The following FAM120C variants were observed in gnomAD, a reference collection of about 807,000 sequenced individuals.
FAM120C encodes family with sequence similarity 120 member C, also known as constitutive coactivator of PPAR-gamma-like protein 2.
Under a neutral mutation model 71.2 loss-of-function variants are expected in FAM120C, and 14 were observed. The ratio of observed to expected loss-of-function variants is 0.20; its 90% confidence interval spans 0.13 to 0.31. The LOEUF (loss-of-function observed/expected upper bound fraction) is 0.31. FAM120C is among the 10% of genes least tolerant of loss of function. The pLI is 1.00. For synonymous variants in FAM120C, 354 were observed against 353.2 expected, an observed-to-expected ratio of 1.00 and a Z score of -0.03; for missense variants, 500 against 879.0, an observed-to-expected ratio of 0.57 and a Z score of 5.45.
chrX:54,083,024 C>T (rs2066774642), intron 13 of FAM120C, among the ~76,000 whole-genome samples: 1 of 108,128 alleles, frequency 9.2e-6, no homozygotes, highest in Non-Finnish European at 1.9e-5. Context: ...GAGGCCGAGT[C>T]AGAAGAATTG....
intron 10 of FAM120C, among the ~76,000 whole-genome samples, chrX:54,094,083 C>CTTTTTTTTTTTTTT: frequency 1.6e-5 from 1 of 61,443 alleles, no homozygotes; most frequent in Non-Finnish European, 2.8e-5. Context: ...TCCACGACTC[C>CTTTTTTTTTTTTTT]TTTTTTTTTT....
chrX:54,143,818 G>A (rs782548224), intron 4 of FAM120C, among the ~76,000 whole-genome samples: 74 of 111,684 alleles, frequency 6.6e-4, no homozygotes, highest in African/African-American at 2.4e-3. Context: ...CATTTTATGA[G>A]GCCAGCATCA....
intron 4 of FAM120C, among the ~76,000 whole-genome samples, chrX:54,146,939 C>T (rs1484125566): frequency 9.2e-6 from 1 of 109,127 alleles, no homozygotes; most frequent in Non-Finnish European, 2.0e-5. Context: ...ATATGAAAAA[C>T]ACAACCTCTC....
chrX:54,160,820 T>C (rs1307044244), intron 1 of FAM120C, among the ~76,000 whole-genome samples: 2 of 111,697 alleles, frequency 1.8e-5, no homozygotes, highest in African/African-American at 3.3e-5. Context: ...CAAGGTCATA[T>C]GGCTAGGAGG....
chrX:54,097,983 C>G (rs1240719910), intron 10 of FAM120C, among the ~76,000 whole-genome samples: 3 of 110,626 alleles, frequency 2.7e-5, no homozygotes, highest in African/African-American at 9.8e-5. Flanking sequence ...GCCTTGGCCT[C>G]CCAAAGTGCT....
At chrX:54,176,159 G>A (rs1010643084) in intron 1 of FAM120C, among the ~76,000 whole-genome samples, 5 of 111,207 alleles carry the variant, frequency 4.5e-5, no homozygotes, top group Non-Finnish European at 3.8e-5. Flanking sequence ...TAGGCCAGGC[G>A]TGGTGGCTCA....
chrX:54,180,973 A>G (rs782295070), intron 1 of FAM120C, among the ~76,000 whole-genome samples: 1 of 110,738 alleles, frequency 9.0e-6, no homozygotes, highest in East Asian at 2.8e-4. Flanking sequence ...GGCCATGAAT[A>G]AAGAATCTAC....
intron 10 of FAM120C, among the ~76,000 whole-genome samples, chrX:54,109,431 T>G (rs111258233): frequency 3.9e-5 from 4 of 102,145 alleles, no homozygotes; most frequent in African/African-American, 1.1e-4. Flanking sequence ...AAGACCAGCT[T>G]GGGCAACATA....
rs782066033 is a variant in FAM120C at position 54,143,092 on chromosome X, C to A, written c.1159-6502G>T. 1.4e-3 allele frequency among the ~76,000 whole-genome samples: 161 copies of A among 111,695 alleles called. 2 individuals are homozygous for A. The highest frequency in any genetic ancestry group is 5.0e-3 in the African/African-American group (154 of 30,767). ...CCACACCAAAACCCCATCTGTACATCACCATCATCAAAGACCAAAGGTAGA... is the reference window on the plus strand; with the variant it reads ...CCACACCAAAACCCCATCTGTACATAACCATCATCAAAGACCAAAGGTAGA... On this transcript the variant is annotated intron_variant, in intron 4 of 15. Transcript: ENST00000375180.
At chrX:54,107,542 CAG>C (rs1312250150) in intron 10 of FAM120C, among the ~76,000 whole-genome samples, 2 of 107,101 alleles carry the variant, frequency 1.9e-5, no homozygotes, top group Non-Finnish European at 3.8e-5. Context: ...TTTTTTGAGA[CAG>C]AGTCTTACTC....
At chrX:54,181,031 T>C (rs1303364830) in intron 1 of FAM120C, among the ~76,000 whole-genome samples, 2 of 109,990 alleles carry the variant, frequency 1.8e-5, no homozygotes, top group Non-Finnish European at 3.8e-5. Flanking sequence ...CCTTTTTTTT[T>C]TTTTTTAACC....
chrX:54,139,698 CCT>C (rs1396908807), intron 4 of FAM120C, among the ~76,000 whole-genome samples: 1 of 109,677 alleles, frequency 9.1e-6, no homozygotes, highest in Non-Finnish European at 1.9e-5. Flanking sequence ...GACAGGGTCT[CCT>C]CTGTTGCCCA....
intron 15 of FAM120C, 97 bp from the exon 16 acceptor site, chrX:54,073,384 T>C (rs1557120289): frequency 1.1e-6 from 1 of 924,223 alleles, no homozygotes; most frequent in African/African-American, 2.0e-5. Flanking sequence ...GCGGCTTCAG[T>C]TCTTCAAAAA....
intron 14 of FAM120C, among the ~76,000 whole-genome samples, chrX:54,080,775 T>C (rs2066760305): frequency 9.3e-6 from 1 of 107,361 alleles, no homozygotes; most frequent in Non-Finnish European, 1.9e-5. Context: ...GGCAGGAGAA[T>C]TGCTTGAACC....
At chrX:54,161,772 C>A (rs956172807) in intron 1 of FAM120C, among the ~76,000 whole-genome samples, 3 of 112,087 alleles carry the variant, frequency 2.7e-5, no homozygotes, top group Admixed American at 1.9e-4. Context: ...GCCGGGGCTA[C>A]GGGCGCATGC....
chrX:54,156,219 A>G (rs183422555), intron 3 of FAM120C, among the ~76,000 whole-genome samples: 1,350 of 110,208 alleles, frequency 0.012, 8 homozygotes, highest in Non-Finnish European at 0.019. Flanking sequence ...GGTATGAAAC[A>G]GTCATCTAGG....
intron 1 of FAM120C, among the ~76,000 whole-genome samples, chrX:54,177,052 T>A (rs1318025977): frequency 9.0e-6 from 1 of 110,550 alleles, no homozygotes; most frequent in Non-Finnish European, 1.9e-5. Flanking sequence ...ATAAGAAAAA[T>A]ACTATGAGAG....
intron 1 of FAM120C, among the ~76,000 whole-genome samples, chrX:54,169,105 G>A (rs782188461): frequency 1.1e-3 from 125 of 111,132 alleles, no homozygotes; most frequent in Non-Finnish European, 1.2e-3. Flanking sequence ...TCCAGCCTGG[G>A]CAACACAGTG....
chrX:54,076,990 G>A (rs2066739136), intron 15 of FAM120C, among the ~76,000 whole-genome samples: 1 of 111,378 alleles, frequency 9.0e-6, no homozygotes, highest in Non-Finnish European at 1.9e-5. Flanking sequence ...TACTCAGAAG[G>A]CTGAGGTAGG....
Sources: gnomAD v4.1 joint callset for allele counts (sites outside exome capture counted in the v4.1 genomes callset) on GRCh38, gnomAD v4.1.1 for gene constraint, MANE v1.5 for transcripts, NCBI Gene and HGNC (gene_info 2026-07-23, HGNC 2026-07-21) for gene names.